The following ASZ1 variants were observed in gnomAD, a reference collection of about 807,000 sequenced individuals.
The protein encoded by ASZ1 is ankyrin repeat, SAM and basic leucine zipper domain containing 1.
ASZ1 carries 67 observed loss-of-function variants against 61.8 expected under a neutral mutation model. The observed-to-expected ratio is 1.08, with a 90% CI of 0.89 to 1.33. The LOEUF (loss-of-function observed/expected upper bound fraction) is 1.33. Ranked by LOEUF, ASZ1 falls within the 40% of genes most tolerant of loss-of-function variation. The pLI is 0.00. For missense variants in ASZ1, 577 were observed against 554.5 expected (o/e 1.04, Z -0.41); for synonymous variants, 193 against 192.7 (o/e 1.00, Z -0.01).
chr7:117,410,883 A>C (rs1306658112), intron 4 of ASZ1, among the ~76,000 whole-genome samples: 1 of 151,734 alleles, frequency 6.6e-6, no homozygotes, highest in African/African-American at 2.4e-5. Context: ...ATTTTATTAC[A>C]TCTACTTTAT....
At chr7:117,366,880 T>C (rs1250636465) in intron 12 of ASZ1, among the ~76,000 whole-genome samples, 1 of 152,204 alleles carries the variant, frequency 6.6e-6, no homozygotes, top group Non-Finnish European at 1.5e-5. Context: ...AGCTGATATT[T>C]AATTTTCATT....
At chr7:117,423,717 C>T (rs1363543066) in intron 2 of ASZ1, among the ~76,000 whole-genome samples, 1 of 141,886 alleles carries the variant, frequency 7.0e-6, no homozygotes, top group African/African-American at 2.6e-5. Flanking sequence ...AAAAAATTAG[C>T]CAGGCGTGGT....
intron 4 of ASZ1, among the ~76,000 whole-genome samples, chr7:117,418,652 CAA>C (rs5886857): frequency 0.41 from 57,872 of 139,558 alleles, 11,409 homozygotes; most frequent in Admixed American, 0.48. Flanking sequence ...GACTCCATCT[CAA>C]AAAAAAAAAA....
chr7:117,426,846 G>A lies in ASZ1; in HGVS notation c.195C>T (p.Leu65=). Residue 65 remains leucine (L), a synonymous_variant, in exon 2 of 13, where the codon CTC becomes CTT. Coordinates refer to ENST00000284629, the MANE Select transcript of ASZ1 (RefSeq NM_130768.3). ...TIGDVSLVQE[L]LDSGISVDSN... ...TCCCTTATCTCTCACCAGAATCTAG[G>A]AGCTCCTGGACCAATGAAACATCTC... 1.2e-6 allele frequency: 2 copies of A among 1,600,754 alleles called. No individual in the cohort carries two copies. The highest frequency in any genetic ancestry group is 2.3e-5 in the South Asian group (2 of 87,292).
chr7:117,412,547 A>T (rs1286251367), intron 4 of ASZ1, among the ~76,000 whole-genome samples: 1 of 151,888 alleles, frequency 6.6e-6, no homozygotes, highest in Non-Finnish European at 1.5e-5. Context: ...TTCCAAAGGT[A>T]TCTTCTGTTT....
chr7:117,420,296 G>T, intron 3 of ASZ1, 22 bp from the exon 4 acceptor site: 1 of 1,546,396 alleles, frequency 6.5e-7, no homozygotes. Flanking sequence ...AGAAAAGTGA[G>T]GAAAAATCCC....
intron 4 of ASZ1, among the ~76,000 whole-genome samples, chr7:117,409,495 A>C (rs1392863602): frequency 6.6e-6 from 1 of 151,898 alleles, no homozygotes; most frequent in Admixed American, 6.6e-5. Context: ...CCAGCCAAAA[A>C]GGGATAAAGA....
At chr7:117,370,804 T>TTGTGTGTGTGTG (rs3138784) in intron 10 of ASZ1, among the ~76,000 whole-genome samples, 1,480 of 133,256 alleles carry the variant, frequency 0.011, 11 homozygotes, top group African/African-American at 0.01. Context: ...CCAAAGGTAA[T>TTGTGTGTGTGTG]TGTGTGTGTG....
intron 12 of ASZ1, 89 bp downstream of exon 12, chr7:117,367,263 C>G (rs1467635215): frequency 1.0e-6 from 1 of 996,434 alleles, no homozygotes. Context: ...CCATTTGTTG[C>G]TCTTACCAGA....
intron 4 of ASZ1, among the ~76,000 whole-genome samples, chr7:117,417,358 C>A (rs1420379902): frequency 1.3e-5 from 2 of 152,206 alleles, no homozygotes; most frequent in Non-Finnish European, 2.9e-5. Context: ...AAAAAGGCTA[C>A]ATCAACAGCC....
chr7:117,375,335 T>C (rs951328427), intron 10 of ASZ1, among the ~76,000 whole-genome samples: 2 of 152,082 alleles, frequency 1.3e-5, no homozygotes, highest in Non-Finnish European at 2.9e-5. Context: ...GGACCTTATA[T>C]TTCTATTAAT....
At chr7:117,382,846 A>G in intron 7 of ASZ1, 140 bp downstream of exon 7, 2 of 981,702 alleles carry the variant, frequency 2.0e-6, no homozygotes, top group East Asian at 4.0e-5. Flanking sequence ...TCTGGAGAAC[A>G]CTAAAAACCC....
In ASZ1 at chr7:117,367,373, T is replaced by C. The variant is rs1397115206; in HGVS notation, c.1254A>G (p.Lys418=). 6.5e-7 allele frequency: 1 copy of C among 1,546,550 alleles called. No individual in the cohort carries two copies. Among genetic ancestry groups the C allele is most frequent in the Non-Finnish European group, 8.7e-7 (1 of 1,150,816 alleles). ...ATACCTTTTGAATTAGGTCTTTTAG[T>C]TTGCAGACCTTTTCACTCAAATCTT... ...NVEDLSEKVC[K]LKDLIQKLQN... is the part of the protein sequence containing the mutation. The change falls in exon 12 of 13, where the codon AAA becomes AAG. Residue 418 remains lysine, a synonymous_variant. Transcript: ENST00000284629.
intron 4 of ASZ1, among the ~76,000 whole-genome samples, chr7:117,412,545 G>T (rs1315278380): frequency 6.6e-6 from 1 of 151,698 alleles, no homozygotes; most frequent in East Asian, 1.9e-4. Context: ...TTTTCCAAAG[G>T]TATCTTCTGT....
intron 10 of ASZ1, among the ~76,000 whole-genome samples, chr7:117,377,676 T>C (rs917054994): frequency 2.6e-5 from 4 of 152,160 alleles, no homozygotes; most frequent in Admixed American, 6.6e-5. Flanking sequence ...GAAAGGTTTT[T>C]TGTAGACATA....
In ASZ1 at chr7:117,379,980, A is replaced by C. The variant is rs772555211; in HGVS notation, c.1013T>G (p.Ile338Arg). ...CTCTTCAGATAGCTCTCCAAATTGTATCTCTTCTACCTGTAGTTCTTTAAG... is the reference window on the plus strand; with the variant it reads ...CTCTTCAGATAGCTCTCCAAATTGTCTCTCTTCTACCTGTAGTTCTTTAAG... ...AALKELQVEE[I>R]QFGELSEETK... Residue 338 changes from isoleucine (I) to arginine (R), a missense_variant, in exon 10 of 13, where the codon ATA becomes AGA. Coordinates refer to ENST00000284629, the MANE Select transcript of ASZ1 (RefSeq NM_130768.3). 3 of 1,607,098 alleles carry C rather than the reference A, an allele frequency of 1.9e-6. No individual in the cohort carries two copies. The highest frequency in any genetic ancestry group is 2.6e-6 in the Non-Finnish European group (3 of 1,176,372).
chr7:117,374,014 T>G (rs1232850928), intron 10 of ASZ1, among the ~76,000 whole-genome samples: 1 of 152,132 alleles, frequency 6.6e-6, no homozygotes, highest in East Asian at 1.9e-4. Flanking sequence ...AGAGCTATTA[T>G]GTTATTCTGA....
chr7:117,385,264 T>C (rs1796331193), intron 5 of ASZ1, among the ~76,000 whole-genome samples: 2 of 152,092 alleles, frequency 1.3e-5, no homozygotes, highest in Admixed American at 1.3e-4. Context: ...TTTCTTTTCT[T>C]TTCTTTTTTT....
chr7:117,374,945 G>GAGA (rs1371742332), intron 10 of ASZ1, among the ~76,000 whole-genome samples: 3 of 152,020 alleles, frequency 2.0e-5, no homozygotes, highest in African/African-American at 7.2e-5. Context: ...ACATAAGCAA[G>GAGA]AGACTGGGTA....
Sources: gnomAD v4.1 joint callset for allele counts (sites outside exome capture counted in the v4.1 genomes callset) on GRCh38, gnomAD v4.1.1 for gene constraint, MANE v1.5 for transcripts, NCBI Gene and HGNC (gene_info 2026-07-23, HGNC 2026-07-21) for gene names.